The following ATP2B2 variants were observed in gnomAD, a reference collection of about 807,000 sequenced individuals.
The protein encoded by ATP2B2 is plasma membrane calcium-transporting ATPase 2.
A neutral mutation model predicts 120.0 loss-of-function variants in ATP2B2; 15 were observed. That is an observed-to-expected ratio of 0.12 (90% CI 0.08 to 0.19). The LOEUF is 0.19. Ranked by LOEUF, ATP2B2 falls within the 10% of genes least tolerant of loss-of-function variation. ATP2B2 has a pLI of 1.00. For synonymous variants in ATP2B2, 694 were observed against 700.3 expected (o/e 0.99, Z 0.14); for missense variants, 1,045 against 1,719.8 (o/e 0.61, Z 6.94).
intron 1 of ATP2B2, among the ~76,000 whole-genome samples, chr3:10,668,579 G>A (rs1190466682): frequency 6.6e-6 from 1 of 152,160 alleles, no homozygotes; most frequent in East Asian, 1.9e-4. Flanking sequence ...TATCCTAAGG[G>A]CTGCCTCCTT....
intron 22 of ATP2B2, among the ~76,000 whole-genome samples, chr3:10,335,265 C>G (rs1246575630): frequency 2.0e-5 from 3 of 152,186 alleles, no homozygotes; most frequent in African/African-American, 7.2e-5. Flanking sequence ...CCATTTTCTA[C>G]CAGGGGTCAA....
chr3:10,374,767 T>A (rs774583375), intron 11 of ATP2B2, among the ~76,000 whole-genome samples: 14 of 152,080 alleles, frequency 9.2e-5, no homozygotes, highest in Non-Finnish European at 2.1e-4. Context: ...CTTAGAAAGG[T>A]CCCAGACCAA....
intron 1 of ATP2B2, among the ~76,000 whole-genome samples, chr3:10,487,160 T>C (rs568941993): frequency 6.6e-6 from 1 of 152,246 alleles, no homozygotes; most frequent in South Asian, 2.1e-4. Context: ...ACAAATAATA[T>C]GTACTGAGCC....
intron 12 of ATP2B2, among the ~76,000 whole-genome samples, chr3:10,361,564 G>C (rs570068785): frequency 6.6e-6 from 1 of 152,272 alleles, no homozygotes; most frequent in African/African-American, 2.4e-5. Context: ...CTGTCCTGGA[G>C]ACTCCCAGAA....
chr3:10,541,327 C>G (rs1044903764), intron 2 of ATP2B2, among the ~76,000 whole-genome samples: 2 of 151,942 alleles, frequency 1.3e-5, no homozygotes, highest in Non-Finnish European at 2.9e-5. Context: ...TTATTTTGCT[C>G]TTCCTTTTCT....
chr3:10,379,308 G>C, intron 8 of ATP2B2, 24 bp from the exon 9 acceptor site: 1 of 1,612,998 alleles, frequency 6.2e-7, no homozygotes, highest in East Asian at 2.2e-5. Flanking sequence ...AATTTTAACA[G>C]ACAACAGAGA....
Position 10,609,933 on chromosome 3 carries a change from C to T in ATP2B2, c.-415+9984G>A, listed in dbSNP as rs2069183669. On this transcript the variant is annotated intron_variant, in intron 2 of 21. Coordinates refer to the ATP2B2 transcript ENST00000646379. ...GCCACAATGGGGCTTCTGATGTCAC[C>T]TCACCATCTCCATTTCCGCCAATGG... Among the ~76,000 whole-genome samples, 3 of 152,204 alleles carry T rather than the reference C, an allele frequency of 2.0e-5. No homozygotes were observed. In the South Asian group the frequency reaches 6.2e-4, roughly 32 times the overall value.
chr3:10,545,860 A>AT (rs1417942778), intron 2 of ATP2B2, among the ~76,000 whole-genome samples: 1 of 152,162 alleles, frequency 6.6e-6, no homozygotes, highest in African/African-American at 2.4e-5. Flanking sequence ...TTTTCAAGTA[A>AT]TTTTTATGAC....
At chr3:10,683,760 G>GTATATATATATATA (rs71055831) in intron 1 of ATP2B2, among the ~76,000 whole-genome samples, 2 of 53,892 alleles carry the variant, frequency 3.7e-5, no homozygotes, top group Non-Finnish European at 7.7e-5. Flanking sequence ...GTGTGTGTGT[G>GTATATATATATATA]TATATATATA....
upstream of ATP2B2, among the ~76,000 whole-genome samples, chr3:10,506,302 G>T (rs2125425176): frequency 6.6e-6 from 1 of 152,264 alleles, no homozygotes. Context: ...GGTGGTGGGG[G>T]CTGGCTTGGC....
In ATP2B2 at chr3:10,636,547, G is replaced by A. The variant is rs145679853; in HGVS notation, c.-459-16586C>T. Among the ~76,000 whole-genome samples, 9 of 152,310 alleles carry A rather than the reference G, an allele frequency of 5.9e-5. No individual in the cohort carries two copies. In the East Asian group the frequency reaches 1.7e-3, roughly 29 times the overall value. ...AACTTCTGTTTCCAGCCAAGAAGGA[G>A]CGACAGAGACCAGATTTGCCCTCTC... On this transcript the variant is annotated intron_variant, in intron 1 of 21. Coordinates refer to the ATP2B2 transcript ENST00000646379.
chr3:10,463,320 C>T (rs972340583), intron 1 of ATP2B2, among the ~76,000 whole-genome samples: 2 of 152,146 alleles, frequency 1.3e-5, no homozygotes, highest in African/African-American at 4.8e-5. Flanking sequence ...GGTTCCATGA[C>T]CGAGAAAGCA....
At position 10,326,709 on chromosome 3, in the gene ATP2B2, C is replaced by G; in HGVS notation, c.*2105G>C. ...CCTCTCCTGGATACATTCAGAGATA[C>G]TTCTTCACGACATTCAGGTGATGCG... On this transcript the variant is annotated 3_prime_UTR_variant, in exon 23 of 23. Coordinates refer to ENST00000360273, the MANE Select transcript of ATP2B2 (RefSeq NM_001001331.4). The G allele has an allele frequency of 5.0e-6, 2 of 399,048 alleles. No individual in the cohort carries two copies. The highest frequency in any genetic ancestry group is 1.3e-3 in the Middle Eastern group (2 of 1,588). The allele number at this position is 399,048 out of a possible 1,614,324, so 24.7% of individuals were successfully genotyped here.
intron 1 of ATP2B2, among the ~76,000 whole-genome samples, chr3:10,482,599 A>G (rs902979421): frequency 1.3e-5 from 2 of 152,174 alleles, no homozygotes; most frequent in African/African-American, 4.8e-5. Flanking sequence ...GGTGGCCAGC[A>G]CAGGTGGTCT....
At chr3:10,664,808 A>G (rs2070884264) in intron 1 of ATP2B2, among the ~76,000 whole-genome samples, 1 of 152,180 alleles carries the variant, frequency 6.6e-6, no homozygotes, top group African/African-American at 2.4e-5. Flanking sequence ...GAAAGAAGGA[A>G]ACATTGATCT....
intron 3 of ATP2B2, among the ~76,000 whole-genome samples, chr3:10,518,330 GC>G (rs138051290): frequency 0.015 from 2,303 of 152,264 alleles, 32 homozygotes; most frequent in Admixed American, 0.035. Flanking sequence ...GGATGTGCTT[GC>G]CCCCCTCCAA....
intron 2 of ATP2B2, among the ~76,000 whole-genome samples, chr3:10,416,662 G>A (rs1356590638): frequency 6.6e-6 from 1 of 152,180 alleles, no homozygotes; most frequent in African/African-American, 2.4e-5. Flanking sequence ...GGCAAAGGGA[G>A]CCTGTGCTTT....
intron 2 of ATP2B2, among the ~76,000 whole-genome samples, chr3:10,609,052 C>T (rs986115064): frequency 2.0e-5 from 3 of 152,212 alleles, no homozygotes; most frequent in Admixed American, 6.5e-5. Flanking sequence ...CAAGTCCTGC[C>T]GCTGCTTCAT....
chr3:10,506,103 C>T (rs1169670224), upstream of ATP2B2, among the ~76,000 whole-genome samples: 3 of 152,074 alleles, frequency 2.0e-5, no homozygotes, highest in Admixed American at 1.3e-4. Context: ...GCAGTCAAGG[C>T]ACCCCCAGAC....
Sources: allele counts gnomAD v4.1 joint callset (sites outside exome capture counted in the v4.1 genomes callset), GRCh38; gene constraint gnomAD v4.1.1; transcripts MANE v1.5; gene names NCBI Gene and HGNC (gene_info 2026-07-23, HGNC 2026-07-21).